PCDH15: variants seen among roughly 807,000 people sequenced by gnomAD.
PCDH15 encodes the protein protocadherin-15.
PCDH15 carries 129 observed loss-of-function variants against 178.5 expected under a neutral mutation model. The ratio of observed to expected loss-of-function variants is 0.72; its 90% CI spans 0.63 to 0.84. The LOEUF (loss-of-function observed/expected upper bound fraction) is 0.84, where lower values mean the gene tolerates loss of function less well. PCDH15 is among the 40% of genes least tolerant of loss of function. The probability of loss-of-function intolerance (pLI) is 0.00; values close to 1 mark genes in which losing one functional copy is unlikely to be tolerated. For missense variants in PCDH15, 2,230 were observed against 2,099.9 expected (o/e 1.06, Z -1.21); for synonymous variants, 800 against 732.0 (o/e 1.09, Z -1.50).
intron 2 of PCDH15, among the ~76,000 whole-genome samples, chr10:55,559,615 T>C (rs559993924): frequency 1.4e-3 from 217 of 152,034 alleles, no homozygotes; most frequent in African/African-American, 5.1e-3. Flanking sequence ...CCACTGATAT[T>C]GAAATGTAAA....
At chr10:54,679,747 T>G (rs983987599) in intron 1 of PCDH15, among the ~76,000 whole-genome samples, 2 of 152,168 alleles carry the variant, frequency 1.3e-5, no homozygotes, top group African/African-American at 4.8e-5. Context: ...AAAGTTTTGT[T>G]TAAACTACCA....
intron 2 of PCDH15, among the ~76,000 whole-genome samples, chr10:55,107,907 A>G (rs749411688): frequency 3.3e-5 from 5 of 152,130 alleles, no homozygotes; most frequent in Non-Finnish European, 5.9e-5. Flanking sequence ...TAGACTGACT[A>G]TACTTCCCTG....
At chr10:55,609,430 A>T (rs550070525) in intron 2 of PCDH15, among the ~76,000 whole-genome samples, 5 of 152,252 alleles carry the variant, frequency 3.3e-5, no homozygotes, top group Non-Finnish European at 5.9e-5. Flanking sequence ...TAATCATGTG[A>T]TGTCAAATAT....
chr10:55,339,549 C>G (rs1259267449), intron 2 of PCDH15, among the ~76,000 whole-genome samples: 1 of 152,062 alleles, frequency 6.6e-6, no homozygotes, highest in Non-Finnish European at 1.5e-5. Flanking sequence ...AAAGGTTTTT[C>G]TATGCTGCAT....
chr10:55,461,448 C>T (rs977658200), intron 2 of PCDH15, among the ~76,000 whole-genome samples: 4 of 152,104 alleles, frequency 2.6e-5, no homozygotes, highest in Non-Finnish European at 4.4e-5. Flanking sequence ...TGGGGACTTG[C>T]TTAAATCTAA....
chr10:53,872,135 C>T (rs923738869), intron 26 of PCDH15, among the ~76,000 whole-genome samples: 4 of 152,152 alleles, frequency 2.6e-5, no homozygotes, highest in African/African-American at 9.7e-5. Flanking sequence ...GTATCTTGCT[C>T]TCAGTCTACC....
chr10:55,213,441 TC>T (rs1483473798), intron 1 of PCDH15, among the ~76,000 whole-genome samples: 1 of 152,048 alleles, frequency 6.6e-6, no homozygotes, highest in African/African-American at 2.4e-5. Context: ...GGGTGTACTT[TC>T]ATCTAAACAT....
At chr10:54,477,860 G>C (rs2078392818) in intron 3 of PCDH15, among the ~76,000 whole-genome samples, 1 of 152,228 alleles carries the variant, frequency 6.6e-6, no homozygotes, top group African/African-American at 2.4e-5. Context: ...TGGGATTACA[G>C]GCATGAGCTA....
intron 12 of PCDH15, among the ~76,000 whole-genome samples, chr10:54,184,339 C>T (rs1231414294): frequency 2.0e-5 from 3 of 152,012 alleles, no homozygotes; most frequent in Non-Finnish European, 4.4e-5. Flanking sequence ...CTTAGCTCAT[C>T]TTTCTCCTGT....
chr10:55,109,968 C>T (rs1392672339), intron 2 of PCDH15, among the ~76,000 whole-genome samples: 4 of 151,322 alleles, frequency 2.6e-5, no homozygotes, highest in African/African-American at 9.7e-5. Flanking sequence ...ACAGTATAAA[C>T]ATTTAACATA....
At chr10:54,444,481 C>T (rs1240066615) in intron 3 of PCDH15, among the ~76,000 whole-genome samples, 1 of 151,638 alleles carries the variant, frequency 6.6e-6, no homozygotes, top group Non-Finnish European at 1.5e-5. Context: ...TCTAGGTATT[C>T]CCATTATACA....
chr10:55,337,916 C>T (rs1030876348), intron 2 of PCDH15, among the ~76,000 whole-genome samples: 2 of 151,920 alleles, frequency 1.3e-5, no homozygotes, highest in Admixed American at 6.6e-5. Flanking sequence ...ATCCATCTGA[C>T]AAAGGCTTAA....
At chr10:54,460,326 CATA>C (rs1490094351) in intron 3 of PCDH15, among the ~76,000 whole-genome samples, 2 of 151,980 alleles carry the variant, frequency 1.3e-5, no homozygotes, top group Non-Finnish European at 2.9e-5. Context: ...CTGTAGAATT[CATA>C]ATAATAAAAA....
chr10:55,380,703 G>A (rs1214361524), intron 2 of PCDH15, among the ~76,000 whole-genome samples: 7 of 152,046 alleles, frequency 4.6e-5, no homozygotes, highest in African/African-American at 1.4e-4. Flanking sequence ...AAGGGACAAG[G>A]GGCCAAGAAT....
At chr10:55,533,779 T>C (rs1177236686) in intron 2 of PCDH15, among the ~76,000 whole-genome samples, 3 of 151,870 alleles carry the variant, frequency 2.0e-5, no homozygotes, top group Non-Finnish European at 2.9e-5. Flanking sequence ...GTCAAAGCAA[T>C]TCTAAGCAAA....
chr10:54,955,889 A>C (rs1838472752), intron 2 of PCDH15, among the ~76,000 whole-genome samples: 1 of 151,328 alleles, frequency 6.6e-6, no homozygotes, highest in South Asian at 2.1e-4. Flanking sequence ...GATTTCTGAA[A>C]ACCTCTAGCC....
At chr10:54,321,565 C>A (rs1188950751) in intron 7 of PCDH15, among the ~76,000 whole-genome samples, 1 of 151,940 alleles carries the variant, frequency 6.6e-6, no homozygotes, top group African/African-American at 2.4e-5. Flanking sequence ...TATATGTAAT[C>A]ATCAAATCAC....
chr10:55,271,110 G>A (rs1001959569), intron 1 of PCDH15, among the ~76,000 whole-genome samples: 1 of 151,904 alleles, frequency 6.6e-6, no homozygotes, highest in African/African-American at 2.4e-5. Context: ...CATAAACATG[G>A]GAACAGACAC....
intron 15 of PCDH15, among the ~76,000 whole-genome samples, chr10:54,091,672 T>C (rs2094603228): frequency 6.6e-6 from 1 of 152,190 alleles, no homozygotes; most frequent in African/African-American, 2.4e-5. Context: ...CTTTGCAAGA[T>C]TATTTAATCT....
Sources: gnomAD v4.1 joint callset for allele counts (sites outside exome capture counted in the v4.1 genomes callset) on GRCh38, gnomAD v4.1.1 for gene constraint, MANE v1.5 for transcripts, NCBI Gene and HGNC (gene_info 2026-07-23, HGNC 2026-07-21) for gene names.